KCNG3: variants seen among roughly 807,000 people sequenced by gnomAD.
The protein encoded by KCNG3 is potassium voltage-gated channel modifier subfamily G member 3, also known as voltage-gated potassium channel regulatory subunit KCNG3.
KCNG3 carries 15 observed loss-of-function variants against 29.0 expected under a neutral mutation model. That is an observed-to-expected ratio of 0.52 (90% CI 0.35 to 0.80). The LOEUF (loss-of-function observed/expected upper bound fraction) is 0.80, where lower values mean the gene tolerates loss of function less well. Among genes scored for constraint, KCNG3 ranks in the 30% least tolerant of loss-of-function variants. The probability of loss-of-function intolerance (pLI) is 0.01; values close to 1 mark genes in which losing one functional copy is unlikely to be tolerated. For synonymous variants in KCNG3, 322 were observed against 248.9 expected (o/e 1.29, Z -2.76); for missense variants, 512 against 605.7 (o/e 0.85, Z 1.62).
intron 1 of KCNG3, chr2:42,470,013 G>A (rs747875457): frequency 1.2e-5 from 6 of 503,304 alleles, no homozygotes; most frequent in Non-Finnish European, 2.2e-5. Context: ...TTTGTGACAG[G>A]CAATAAAATC....
the KCNG3 span, among the ~76,000 whole-genome samples, chr2:42,427,625 T>G: frequency 6.6e-6 from 1 of 152,142 alleles, no homozygotes; most frequent in South Asian, 2.1e-4. Context: ...AAAAATTATT[T>G]CAACATAAAA....
downstream of KCNG3, chr2:42,440,559 C>A (rs1328964820): frequency 6.6e-6 from 1 of 150,570 alleles, no homozygotes; most frequent in Admixed American, 6.6e-5. Flanking sequence ...CCAACACCAA[C>A]ATCCAAATTA....
chr2:42,448,795 G>A (rs1672669563), intron 1 of KCNG3, among the ~76,000 whole-genome samples: 1 of 152,098 alleles, frequency 6.6e-6, no homozygotes, highest in Non-Finnish European at 1.5e-5. Context: ...CGAGACCACA[G>A]TGAAACCCCG....
chr2:42,389,775 T>C, the KCNG3 span, among the ~76,000 whole-genome samples: 1 of 152,240 alleles, frequency 6.6e-6, no homozygotes, highest in Non-Finnish European at 1.5e-5. Flanking sequence ...AAGGTTCTTT[T>C]ACTGTTCCAG....
At chr2:42,421,086 A>G in the KCNG3 span, among the ~76,000 whole-genome samples, 1 of 152,366 alleles carries the variant, frequency 6.6e-6, no homozygotes, top group South Asian at 2.1e-4. Context: ...ACAATAGTAT[A>G]AACTGATCTC....
intron 1 of KCNG3, among the ~76,000 whole-genome samples, chr2:42,487,898 G>A (rs979134772): frequency 3.3e-5 from 5 of 152,146 alleles, no homozygotes; most frequent in South Asian, 4.1e-4. Context: ...AGAATACTAC[G>A]AAGCTGCAGA....
chr2:42,409,020 C>T, the KCNG3 span, among the ~76,000 whole-genome samples: 1 of 152,130 alleles, frequency 6.6e-6, no homozygotes, highest in East Asian at 1.9e-4. Flanking sequence ...AGTGCCTGTG[C>T]TGGCACCTGG....
At chr2:42,470,616 T>C (rs571089541) in intron 1 of KCNG3, among the ~76,000 whole-genome samples, 1 of 152,318 alleles carries the variant, frequency 6.6e-6, no homozygotes, top group East Asian at 1.9e-4. Context: ...GGCTCACAAC[T>C]GTAATCCCAG....
intron 1 of KCNG3, among the ~76,000 whole-genome samples, chr2:42,472,834 A>G (rs915042192): frequency 6.7e-6 from 1 of 148,186 alleles, no homozygotes; most frequent in Non-Finnish European, 1.5e-5. Context: ...ATATCTATAT[A>G]TAGATATCTA....
At chr2:42,418,406 G>C in the KCNG3 span, among the ~76,000 whole-genome samples, 1 of 152,098 alleles carries the variant, frequency 6.6e-6, no homozygotes, top group African/African-American at 2.4e-5. Context: ...TCTTGATCTA[G>C]AAGTACCCAA....
At position 42,444,688 on chromosome 2, in the gene KCNG3, C is replaced by T; in HGVS notation, c.666-109G>A. 9.9e-7 allele frequency: 1 copy of T among 1,009,376 alleles called. No homozygotes were observed. Among genetic ancestry groups the T allele is most frequent in the South Asian group, 1.7e-5 (1 of 60,364 alleles). The allele number at this position is 1,009,376 out of a possible 1,614,324, so 62.5% of individuals were successfully genotyped here. On this transcript the variant is annotated intron_variant, in intron 1 of 1. Coordinates refer to ENST00000306078, the MANE Select transcript of KCNG3 (RefSeq NM_133329.6). This position sits in a 1 kb window ranked among gnomAD's most constrained non-coding sequence, Gnocchi z 5.8. Reference sequence around the variant, plus strand: ...TGACATACTAATTCAGTTACTTTTCCAGAAAACATAAAGAACAGACAACAT... The same window carrying T: ...TGACATACTAATTCAGTTACTTTTCTAGAAAACATAAAGAACAGACAACAT...
In KCNG3 at chr2:42,464,174, T is replaced by C. The variant is rs150492098; in HGVS notation, c.666-19595A>G. ...TGTGTCCAGTGCTCAACTCAGATTA[T>C]TCTTACTTAACTACTGTGTACTAGG... On this transcript the variant is annotated intron_variant, in intron 1 of 1. Coordinates refer to ENST00000306078, the MANE Select transcript of KCNG3 (RefSeq NM_133329.6). Among the ~76,000 whole-genome samples, 450 of 152,306 alleles carry C rather than the reference T, an allele frequency of 3.0e-3. 3 individuals carry two copies. Among genetic ancestry groups the C allele is most frequent in the African/African-American group, 9.6e-3 (397 of 41,562 alleles).
chr2:42,493,443 T>A lies in KCNG3; in HGVS notation c.59A>T (p.Tyr20Phe), dbSNP rs1673967852. Residue 20 changes from tyrosine to phenylalanine, a missense_variant, in exon 1 of 2, where the codon TAT (tyrosine) becomes TTT (phenylalanine). Tyr to Phe is a conservative substitution (Grantham distance 22, BLOSUM62 3). Around this residue, in one of 5 missense-constraint regions of KCNG3, gnomAD observed 18 missense variants for 36.1 expected, o/e 0.50. Coordinates refer to ENST00000306078, the MANE Select transcript of KCNG3 (RefSeq NM_133329.6). ...SVVLNVGGAR[Y>F]SLSRELLKDF... Reference sequence around the variant, plus strand: ...CTTCAGCAGCTCCCGGGACAGCGAATACCGGGCGCCGCCCACGTTCAGCAC... The same window carrying A: ...CTTCAGCAGCTCCCGGGACAGCGAAAACCGGGCGCCGCCCACGTTCAGCAC... 1 of 1,469,194 alleles carries A rather than the reference T, an allele frequency of 6.8e-7. No homozygotes were observed. Among genetic ancestry groups the A allele is most frequent in the South Asian group, 1.4e-5 (1 of 71,880 alleles). The allele number at this position is 1,469,194 out of a possible 1,614,324, so 91.0% of individuals were successfully genotyped here.
intron 1 of KCNG3, among the ~76,000 whole-genome samples, chr2:42,452,494 T>C (rs1353368343): frequency 6.6e-6 from 1 of 151,876 alleles, no homozygotes; most frequent in East Asian, 1.9e-4. Context: ...TTTTTAACCA[T>C]TAACCATACC....
At chr2:42,388,961 AGGCT>A in the KCNG3 span, among the ~76,000 whole-genome samples, 2 of 152,084 alleles carry the variant, frequency 1.3e-5, no homozygotes, top group African/African-American at 4.8e-5. Context: ...CCTGTCACCC[AGGCT>A]GGAATGCAGT....
the KCNG3 span, among the ~76,000 whole-genome samples, chr2:42,399,041 CT>C: frequency 6.4e-5 from 9 of 141,090 alleles, no homozygotes; most frequent in East Asian, 2.1e-4. Context: ...TTTTTCTTTT[CT>C]TTTTTTTTCT....
chr2:42,437,012 C>A, the KCNG3 span, among the ~76,000 whole-genome samples: 2 of 152,108 alleles, frequency 1.3e-5, no homozygotes, highest in South Asian at 2.1e-4. Context: ...AATTGAGTTC[C>A]TGTACATATC....
intron 1 of KCNG3, among the ~76,000 whole-genome samples, chr2:42,469,550 T>C (rs1477208747): frequency 6.6e-6 from 1 of 152,030 alleles, no homozygotes; most frequent in Non-Finnish European, 1.5e-5. Flanking sequence ...CTAAGGAAAG[T>C]GTTATCCACG....
chr2:42,447,766 G>A (rs903110930), intron 1 of KCNG3, among the ~76,000 whole-genome samples: 1 of 151,834 alleles, frequency 6.6e-6, no homozygotes, highest in South Asian at 2.1e-4. Flanking sequence ...CGAACTCCTG[G>A]GCTCAAGCAA....
Sources: gnomAD v4.1 joint callset for allele counts (sites outside exome capture counted in the v4.1 genomes callset) on GRCh38, gnomAD v4.1.1 for gene constraint, gnomAD v4.1.1 regional missense constraint, Gnocchi (gnomAD v3.1) non-coding constraint, MANE v1.5 for transcripts, NCBI Gene and HGNC (gene_info 2026-07-23, HGNC 2026-07-21) for gene names.